FHIT: variants seen among roughly 807,000 people sequenced by gnomAD.
FHIT encodes the protein fragile histidine triad diadenosine triphosphatase.
Under a neutral mutation model 17.9 loss-of-function variants are expected in FHIT, and 19 were observed. The observed-to-expected ratio is 1.06, with a 90% CI of 0.74 to 1.56. The LOEUF is 1.56. Among genes scored for constraint, FHIT ranks in the 40% most tolerant of loss-of-function variants. The pLI is 0.00. For missense variants in FHIT, 248 were observed against 189.2 expected, an observed-to-expected ratio of 1.31 and a Z score of -1.82; for synonymous variants, 81 against 69.7, an observed-to-expected ratio of 1.16 and a Z score of -0.81.
chr3:59,944,593 A>G (rs1243980907), intron 7 of FHIT, among the ~76,000 whole-genome samples: 1 of 151,968 alleles, frequency 6.6e-6, no homozygotes, highest in Non-Finnish European at 1.5e-5. Flanking sequence ...TGTAAGTCAC[A>G]GGGGTTTCGT....
intron 5 of FHIT, among the ~76,000 whole-genome samples, chr3:60,308,696 A>T (rs1006368447): frequency 6.6e-6 from 1 of 152,056 alleles, no homozygotes; most frequent in African/African-American, 2.4e-5. Context: ...AATTGAGATA[A>T]TGCATATGAA....
intron 8 of FHIT, among the ~76,000 whole-genome samples, chr3:59,793,410 T>C (rs568926330): frequency 1.3e-5 from 2 of 152,070 alleles, no homozygotes; most frequent in East Asian, 3.9e-4. Context: ...TGACACTGTG[T>C]TCGTGATGAA....
intron 3 of FHIT, among the ~76,000 whole-genome samples, chr3:60,969,017 T>C (rs1046928011): frequency 6.6e-6 from 1 of 152,084 alleles, no homozygotes; most frequent in Non-Finnish European, 1.5e-5. Flanking sequence ...ATGAAAAAAA[T>C]TGAACTGTGG....
intron 4 of FHIT, among the ~76,000 whole-genome samples, chr3:60,626,070 C>G (rs2039276917): frequency 6.6e-6 from 1 of 152,184 alleles, no homozygotes; most frequent in Non-Finnish European, 1.5e-5. Flanking sequence ...TCTGGAATCT[C>G]AGTTCTATGC....
At chr3:60,558,030 G>A (rs76169026) in intron 4 of FHIT, among the ~76,000 whole-genome samples, 1 of 152,004 alleles carries the variant, frequency 6.6e-6, no homozygotes, top group African/African-American at 2.4e-5. Context: ...ATTTTGATCC[G>A]TTTCAAGTGA....
chr3:61,139,155 G>A (rs1054006483), intron 2 of FHIT, among the ~76,000 whole-genome samples: 8 of 151,468 alleles, frequency 5.3e-5, no homozygotes, highest in Admixed American at 1.3e-4. Flanking sequence ...TCAGCCTCCT[G>A]AGTAGCTGGG....
intron 4 of FHIT, among the ~76,000 whole-genome samples, chr3:60,743,872 C>T (rs782257315): frequency 1.3e-5 from 2 of 152,164 alleles, no homozygotes; most frequent in African/African-American, 2.4e-5. Context: ...CAGCTCAGCT[C>T]GCTCTGTTTG....
intron 4 of FHIT, among the ~76,000 whole-genome samples, chr3:60,650,010 C>G (rs556017965): frequency 6.6e-6 from 1 of 152,160 alleles, no homozygotes; most frequent in Admixed American, 6.5e-5. Context: ...GAAACAAATG[C>G]ACCAAAATTA....
intron 5 of FHIT, among the ~76,000 whole-genome samples, chr3:60,375,259 G>C (rs1159623684): frequency 1.3e-5 from 2 of 152,054 alleles, no homozygotes; most frequent in Admixed American, 6.6e-5. Flanking sequence ...ACTTGGTTTT[G>C]TATCATTACA....
chr3:60,470,737 A>G (rs936791046), intron 5 of FHIT, among the ~76,000 whole-genome samples: 1 of 152,058 alleles, frequency 6.6e-6, no homozygotes, highest in Admixed American at 6.6e-5. Flanking sequence ...GCGGCAAGAT[A>G]AAGTCCTCTT....
intron 8 of FHIT, among the ~76,000 whole-genome samples, chr3:59,762,175 G>C (rs894573718): frequency 1.3e-5 from 2 of 152,148 alleles, no homozygotes; most frequent in Non-Finnish European, 2.9e-5. Flanking sequence ...CCGCATCCTG[G>C]CCAGGACAGA....
At chr3:61,213,468 T>C (rs982656018) in intron 1 of FHIT, among the ~76,000 whole-genome samples, 5 of 152,200 alleles carry the variant, frequency 3.3e-5, no homozygotes, top group Admixed American at 6.5e-5. Flanking sequence ...ATCCTAAATA[T>C]ATATGCATCC....
chr3:61,024,108 A>T (rs771841232), intron 3 of FHIT, among the ~76,000 whole-genome samples: 1 of 152,086 alleles, frequency 6.6e-6, no homozygotes, highest in Non-Finnish European at 1.5e-5. Flanking sequence ...TTTGTGATGC[A>T]AGCAGAAGAG....
At chr3:61,038,817 G>C (rs904468965) in intron 3 of FHIT, among the ~76,000 whole-genome samples, 1 of 152,164 alleles carries the variant, frequency 6.6e-6, no homozygotes, top group Non-Finnish European at 1.5e-5. Flanking sequence ...TTGATAATTT[G>C]CAGGACCCAG....
At chr3:60,773,529 T>G (rs1419272292) in intron 4 of FHIT, among the ~76,000 whole-genome samples, 2 of 151,996 alleles carry the variant, frequency 1.3e-5, no homozygotes, top group African/African-American at 2.4e-5. Context: ...AGAATTTCTG[T>G]TTTTTTTCTA....
intron 5 of FHIT, among the ~76,000 whole-genome samples, chr3:60,534,543 G>T (rs559089749): frequency 6.7e-6 from 1 of 149,782 alleles, no homozygotes; most frequent in Non-Finnish European, 1.5e-5. Flanking sequence ...CACATAAAAA[G>T]CATTGTCTGA....
At chr3:60,548,575 G>T (rs1008730105) in intron 4 of FHIT, among the ~76,000 whole-genome samples, 4 of 152,056 alleles carry the variant, frequency 2.6e-5, no homozygotes, top group African/African-American at 9.7e-5. Flanking sequence ...TGTAGCAAAT[G>T]ATGTTTTTGG....
chr3:59,922,900 T>G (rs1705476756), intron 7 of FHIT, among the ~76,000 whole-genome samples: 1 of 152,176 alleles, frequency 6.6e-6, no homozygotes, highest in South Asian at 2.1e-4. Context: ...TCTCATTTAG[T>G]AAGCATTTAT....
chr3:60,817,218 A>G (rs1701774111), intron 4 of FHIT, among the ~76,000 whole-genome samples: 1 of 152,032 alleles, frequency 6.6e-6, no homozygotes, highest in Non-Finnish European at 1.5e-5. Flanking sequence ...CATTATAAAC[A>G]CCACAAGACA....
Sources: allele counts gnomAD v4.1 joint callset (sites outside exome capture counted in the v4.1 genomes callset), GRCh38; gene constraint gnomAD v4.1.1; transcripts MANE v1.5; gene names NCBI Gene and HGNC (gene_info 2026-07-23, HGNC 2026-07-21).